The following HFM1 variants were observed in gnomAD, a reference collection of about 807,000 sequenced individuals.
The protein encoded by HFM1 is probable ATP-dependent DNA helicase HFM1.
In HFM1, 169 loss-of-function variants were observed where a neutral mutation model predicts 192.1. That is an observed-to-expected ratio of 0.88 (90% CI 0.78 to 1.00). The LOEUF (loss-of-function observed/expected upper bound fraction) is 1.00. Among genes scored for constraint, HFM1 ranks in the 50% least tolerant of loss-of-function variants. The pLI, the probability that HFM1 is intolerant of heterozygous loss-of-function variation, is 0.00. For synonymous variants in HFM1, 525 were observed against 537.8 expected (o/e 0.98, Z 0.33); for missense variants, 1,661 against 1,668.0 (o/e 1.00, Z 0.07).
At chr1:91,356,675 G>C (rs1476706131) in intron 13 of HFM1, among the ~76,000 whole-genome samples, 2 of 150,696 alleles carry the variant, frequency 1.3e-5, no homozygotes, top group Non-Finnish European at 3.0e-5. Context: ...ACCAAGACTT[G>C]GTTCTTTGAA....
At chr1:91,346,837 T>C (rs1017122786) in intron 19 of HFM1, among the ~76,000 whole-genome samples, 4 of 152,098 alleles carry the variant, frequency 2.6e-5, no homozygotes, top group African/African-American at 7.2e-5. Context: ...AAAAGAAAAA[T>C]ACATGTTGGG....
chr1:91,362,373 ATC>A (rs1249687343), intron 13 of HFM1, among the ~76,000 whole-genome samples: 2 of 152,162 alleles, frequency 1.3e-5, no homozygotes, highest in Non-Finnish European at 2.9e-5. Context: ...ATGTGCAAAA[ATC>A]TCTAGCATTC....
chr1:91,299,462 C>G (rs1033603737), intron 30 of HFM1, among the ~76,000 whole-genome samples: 2 of 152,194 alleles, frequency 1.3e-5, no homozygotes, highest in African/African-American at 4.8e-5. Context: ...ACTCTCCACC[C>G]CAAATCAACA....
Position 91,383,258 on chromosome 1 carries a change from T to C in HFM1, c.802+1929A>G, listed in dbSNP as rs539198430. Among the ~76,000 whole-genome samples the C allele has an allele frequency of 1.1e-4, 16 of 152,300 alleles. No homozygotes were observed. In the East Asian group the frequency reaches 2.9e-3, roughly 28 times the overall value. Reference sequence around the variant, plus strand: ...AGCTCTTTAAAAGCCAGTGTCATATTATGGAAAGGCTTTCCAGTAAGGGAT... The same window carrying C: ...AGCTCTTTAAAAGCCAGTGTCATATCATGGAAAGGCTTTCCAGTAAGGGAT... On this transcript the variant is annotated intron_variant, in intron 6 of 38. Transcript: ENST00000370425.
At chr1:91,308,020 A>G (rs1028743894) in intron 30 of HFM1, among the ~76,000 whole-genome samples, 1 of 152,130 alleles carries the variant, frequency 6.6e-6, no homozygotes, top group South Asian at 2.1e-4. Flanking sequence ...TGCATAAATG[A>G]TGTGTCTAAT....
intron 6 of HFM1, among the ~76,000 whole-genome samples, chr1:91,382,352 A>G (rs1011561470): frequency 6.6e-6 from 1 of 152,088 alleles, no homozygotes; most frequent in Non-Finnish European, 1.5e-5. Flanking sequence ...ATATGTTATT[A>G]TAGTTGTTGA....
rs557903957 is a variant in HFM1 at position 91,262,697 on chromosome 1, T to C, written c.3975-105A>G. On this transcript the variant is annotated intron_variant, in intron 36 of 38. Coordinates refer to ENST00000370425, the MANE Select transcript of HFM1 (RefSeq NM_001017975.6). Reference sequence around the variant, plus strand: ...GAATATGATCAAAGTTTATCACATTTATCACAAAAATGTAATGCATTGTTT... The same window carrying C: ...GAATATGATCAAAGTTTATCACATTCATCACAAAAATGTAATGCATTGTTT... 4.1e-5 allele frequency: 28 copies of C among 681,798 alleles called. No homozygotes were observed. The East Asian group carries it at 7.6e-4, about 19-fold the overall frequency. 42.2% of individuals were successfully genotyped at this position (681,798 alleles called of 1,614,324 possible).
At chr1:91,268,139 T>G (rs2100709572) in intron 34 of HFM1, among the ~76,000 whole-genome samples, 1 of 152,190 alleles carries the variant, frequency 6.6e-6, no homozygotes, top group East Asian at 1.9e-4. Context: ...GAATACTGTA[T>G]TCAGCCAATT....
chr1:91,359,109 C>A (rs1437685197), intron 13 of HFM1, among the ~76,000 whole-genome samples: 1 of 152,166 alleles, frequency 6.6e-6, no homozygotes, highest in Non-Finnish European at 1.5e-5. Flanking sequence ...ATTCAAAGGT[C>A]AGCAACATCA....
intron 19 of HFM1, among the ~76,000 whole-genome samples, chr1:91,346,255 C>T (rs1421117613): frequency 3.9e-5 from 6 of 152,180 alleles, no homozygotes. Context: ...GCTAATTTAA[C>T]AAGAGATAAA....
In HFM1 at chr1:91,350,651, AATCT is replaced by A. The variant is rs1571056078; in HGVS notation, c.2206+83_2206+86del. Reference sequence around the variant, plus strand: ...TGTTTTGTTACCTATTAGTTTCTGTAATCTATCTATCCTGTAACTTATTAGTATA... The same window carrying A: ...TGTTTTGTTACCTATTAGTTTCTGTAATCTATCCTGTAACTTATTAGTATA... On this transcript the variant is annotated intron_variant, in intron 18 of 38. Coordinates refer to ENST00000370425, the MANE Select transcript of HFM1 (RefSeq NM_001017975.6). 1.3e-5 allele frequency: 16 copies of A among 1,233,410 alleles called. No individual in the cohort carries two copies. In the East Asian group the frequency reaches 2.9e-4, roughly 23 times the overall value. 76.4% of individuals were successfully genotyped at this position (1,233,410 alleles called of 1,614,324 possible).
chr1:91,363,516 T>C (rs1246360110), intron 13 of HFM1, among the ~76,000 whole-genome samples: 32 of 121,246 alleles, frequency 2.6e-4, no homozygotes, highest in Admixed American at 2.5e-3. Context: ...TGGCAATTAC[T>C]AAAAAGTCAA....
In HFM1 at chr1:91,306,454, C is replaced by A. The variant is rs562836830; in HGVS notation, c.3391+6895G>T. Among the ~76,000 whole-genome samples the A allele has an allele frequency of 1.0e-3, 153 of 152,236 alleles. 2 individuals are homozygous for A. Among genetic ancestry groups the A allele is most frequent in the Admixed American group, 8.8e-3 (135 of 15,294 alleles). ...CTTTTTTGACACCTATCAAGAGGAT[C>A]AAATCATTTTCTCCTTTTTCTCTGT... On this transcript the variant is annotated intron_variant, in intron 30 of 38. Coordinates refer to ENST00000370425, the MANE Select transcript of HFM1 (RefSeq NM_001017975.6).
intron 13 of HFM1, among the ~76,000 whole-genome samples, chr1:91,365,654 T>C (rs1369619932): frequency 2.0e-5 from 3 of 152,094 alleles, no homozygotes; most frequent in African/African-American, 4.8e-5. Context: ...TTGTTGCAGA[T>C]ATGACACTAG....
In HFM1 at chr1:91,264,361, A is replaced by ATTTTTTTTT. The variant is rs71087940; in HGVS notation, c.3974+1647_3974+1655dup. 2.1e-3 allele frequency among the ~76,000 whole-genome samples: 118 copies of ATTTTTTTTT among 57,090 alleles called. 17 individuals are homozygous for ATTTTTTTTT. Among genetic ancestry groups the ATTTTTTTTT allele is most frequent in the East Asian group, 5.3e-3 (10 of 1,870 alleles). 37.5% of individuals were successfully genotyped at this position (57,090 alleles called of 152,430 possible). A position where few individuals can be genotyped will look rare whatever the true frequency, so the allele number is the denominator to read the frequency against. ...TTCCAAGGGATACCACAAATTTAGT[A>ATTTTTTTTT]TTTTTTTTTTTTTTTTTTTTTTTTT... On this transcript the variant is annotated intron_variant, in intron 36 of 38. Coordinates refer to ENST00000370425, the MANE Select transcript of HFM1 (RefSeq NM_001017975.6).
At chr1:91,378,836 A>G (rs1192755231) in intron 9 of HFM1, among the ~76,000 whole-genome samples, 1 of 152,092 alleles carries the variant, frequency 6.6e-6, no homozygotes. Context: ...CCACAATAAC[A>G]AACTGCCTAT....
chr1:91,310,564 G>A (rs1379513008), intron 30 of HFM1, among the ~76,000 whole-genome samples: 1 of 152,168 alleles, frequency 6.6e-6, no homozygotes, highest in African/African-American at 2.4e-5. Context: ...TGGTTTGGCT[G>A]TGTCCCCACC....
chr1:91,370,043 GAA>G (rs201167483), intron 13 of HFM1, among the ~76,000 whole-genome samples: 14,473 of 152,094 alleles, frequency 0.095, 925 homozygotes, highest in African/African-American at 0.19. Context: ...TAACCCAGGA[GAA>G]GTTGAATCTC....
intron 30 of HFM1, among the ~76,000 whole-genome samples, chr1:91,280,074 C>T (rs1354245482): frequency 2.6e-5 from 4 of 151,968 alleles, no homozygotes; most frequent in Non-Finnish European, 5.9e-5. Context: ...ATATTATATC[C>T]GCTATCTCTA....
Sources: gnomAD v4.1 joint callset for allele counts (sites outside exome capture counted in the v4.1 genomes callset) on GRCh38, gnomAD v4.1.1 for gene constraint, MANE v1.5 for transcripts, NCBI Gene and HGNC (gene_info 2026-07-23, HGNC 2026-07-21) for gene names.